The following TSHZ2 variants were observed in gnomAD, a reference collection of about 807,000 sequenced individuals.
The protein encoded by TSHZ2 is teashirt zinc finger homeobox 2.
A neutral mutation model predicts 74.4 loss-of-function variants in TSHZ2; 21 were observed. The ratio of observed to expected loss-of-function variants is 0.28; its 90% CI spans 0.20 to 0.41. TSHZ2 has a LOEUF of 0.41. TSHZ2 is among the 10% of genes least tolerant of loss of function. The pLI is 1.00. For synonymous variants in TSHZ2, 540 were observed against 515.3 expected, an observed-to-expected ratio of 1.05 and a Z score of -0.65; for missense variants, 1,244 against 1,293.5, an observed-to-expected ratio of 0.96 and a Z score of 0.59.
intron 1 of TSHZ2, among the ~76,000 whole-genome samples, chr20:53,010,425 G>A (rs1982807542): frequency 6.6e-6 from 1 of 152,068 alleles, no homozygotes; most frequent in South Asian, 2.1e-4. Context: ...AAAAAACATG[G>A]CACTAGTAAC....
intron 1 of TSHZ2, among the ~76,000 whole-genome samples, chr20:53,070,336 A>C (rs575529641): frequency 6.6e-6 from 1 of 152,332 alleles, no homozygotes; most frequent in East Asian, 1.9e-4. Context: ...AATTTTACAC[A>C]GAGAAACCCT....
rs1419080525 is a variant in TSHZ2 at position 53,471,798 on chromosome 20, C to CTT, written c.*9-15343_*9-15342dup. Among the ~76,000 whole-genome samples, 35 of 112,344 alleles carry CTT rather than the reference C, an allele frequency of 3.1e-4. 2 individuals carry two copies. Among genetic ancestry groups the CTT allele is most frequent in the African/African-American group, 7.8e-4 (23 of 29,436 alleles). 73.7% of individuals were successfully genotyped at this position (112,344 alleles called of 152,430 possible). A position where few individuals can be genotyped will look rare whatever the true frequency, so the allele number is the denominator to read the frequency against. ...TTTTCTAAGTGCCGTAGACACTTTT[C>CTT]TTTTCTTTTTTTTTTTTTTTTTTTT... On this transcript the variant is annotated intron_variant, in intron 2 of 2. Coordinates refer to ENST00000371497, the MANE Select transcript of TSHZ2 (RefSeq NM_173485.6).
At chr20:53,068,563 A>G (rs1359820855) in intron 1 of TSHZ2, among the ~76,000 whole-genome samples, 1 of 152,142 alleles carries the variant, frequency 6.6e-6, no homozygotes, top group Non-Finnish European at 1.5e-5. Flanking sequence ...TAGCTCTTCC[A>G]TGGCACTGAC....
intron 1 of TSHZ2, among the ~76,000 whole-genome samples, chr20:53,062,486 T>C (rs947374294): frequency 1.3e-5 from 2 of 152,228 alleles, no homozygotes; most frequent in Non-Finnish European, 2.9e-5. Context: ...TTTAAGTGTT[T>C]ACAAGTGTTA....
intron 2 of TSHZ2, among the ~76,000 whole-genome samples, chr20:53,296,054 A>AAAT (rs1991374168): frequency 6.7e-6 from 1 of 149,228 alleles, no homozygotes. Context: ...AAAAAAAAAA[A>AAAT]ATCCAGGCAG....
Position 53,306,986 on chromosome 20 carries a change from T to G in TSHZ2, c.*8+50415T>G, listed in dbSNP as rs6097350. Among the ~76,000 whole-genome samples, 1,453 of 152,260 alleles carry G rather than the reference T, an allele frequency of 9.5e-3. 28 individuals are homozygous for G. The highest frequency in any genetic ancestry group is 0.033 in the African/African-American group (1,362 of 41,528). On this transcript the variant is annotated intron_variant, in intron 2 of 2. Coordinates refer to ENST00000371497, the MANE Select transcript of TSHZ2 (RefSeq NM_173485.6). Reference sequence around the variant, plus strand: ...AGAAGTAGGTATAATTGCTGTCAATTTATACATAGAGTGAGGAACCACCCC... The same window carrying G: ...AGAAGTAGGTATAATTGCTGTCAATGTATACATAGAGTGAGGAACCACCCC...
At chr20:53,311,282 T>A (rs906500483) in intron 2 of TSHZ2, among the ~76,000 whole-genome samples, 3 of 152,252 alleles carry the variant, frequency 2.0e-5, no homozygotes, top group African/African-American at 7.2e-5. Context: ...GTAATTCTTA[T>A]GCAGCTGAAG....
chr20:53,309,261 C>T (rs1187909756), intron 2 of TSHZ2, among the ~76,000 whole-genome samples: 1 of 152,174 alleles, frequency 6.6e-6, no homozygotes, highest in Non-Finnish European at 1.5e-5. Flanking sequence ...TGGGCTACTT[C>T]AAGAAGTGTT....
chr20:53,271,008 A>G (rs1224413378), intron 2 of TSHZ2, among the ~76,000 whole-genome samples: 3 of 152,060 alleles, frequency 2.0e-5, no homozygotes, highest in African/African-American at 2.4e-5. Context: ...ATGGGTCCCT[A>G]TTGGATAGTC....
At chr20:53,319,855 G>A (rs1195518321) in intron 2 of TSHZ2, among the ~76,000 whole-genome samples, 2 of 152,228 alleles carry the variant, frequency 1.3e-5, no homozygotes, top group Non-Finnish European at 2.9e-5. Flanking sequence ...CAGGACAATT[G>A]CTTCTCTGCA....
chr20:53,473,263 C>G (rs1283447374), intron 2 of TSHZ2, among the ~76,000 whole-genome samples: 1 of 143,630 alleles, frequency 7.0e-6, no homozygotes, highest in Non-Finnish European at 1.5e-5. Context: ...CCCTGTCTGA[C>G]AGCTTTGAAG....
intron 1 of TSHZ2, among the ~76,000 whole-genome samples, chr20:53,187,249 G>GACACCA (rs1988622282): frequency 2.0e-5 from 3 of 152,136 alleles, no homozygotes; most frequent in African/African-American, 7.2e-5. Context: ...GCAGTATTAT[G>GACACCA]AGAATTCCTG....
intron 1 of TSHZ2, among the ~76,000 whole-genome samples, chr20:53,024,914 G>T (rs1983381351): frequency 6.6e-6 from 1 of 152,072 alleles, no homozygotes; most frequent in Non-Finnish European, 1.5e-5. Flanking sequence ...CATTTGGGTT[G>T]GTTCCAAGTC....
intron 1 of TSHZ2, among the ~76,000 whole-genome samples, chr20:53,246,420 C>A (rs979671414): frequency 6.6e-6 from 1 of 152,182 alleles, no homozygotes; most frequent in Non-Finnish European, 1.5e-5. Flanking sequence ...TCCAGTCTAG[C>A]TGAGTATACA....
intron 2 of TSHZ2, among the ~76,000 whole-genome samples, chr20:53,311,066 G>A (rs919658289): frequency 5.9e-5 from 9 of 152,180 alleles, no homozygotes; most frequent in African/African-American, 2.2e-4. Context: ...CTGATGTGCT[G>A]TAAAGCAAGG....
rs71194467 is a variant in TSHZ2, at chr20:53,286,886, T to TACACACAC, written c.*8+30348_*8+30355dup. 4.1e-3 allele frequency among the ~76,000 whole-genome samples: 577 copies of TACACACAC among 139,528 alleles called. 7 individuals carry two copies. The highest frequency in any genetic ancestry group is 0.014 in the African/African-American group (525 of 38,320). 91.5% of individuals were successfully genotyped at this position (139,528 alleles called of 152,430 possible). On this transcript the variant is annotated intron_variant, in intron 2 of 2. Transcript: ENST00000371497. ...ACAGAGCAAGACCCTGTCTCAAAAA[T>TACACACAC]ACACACACACACACACACACACACA...
chr20:53,042,213 T>C (rs891032794), intron 1 of TSHZ2, among the ~76,000 whole-genome samples: 1 of 152,212 alleles, frequency 6.6e-6, no homozygotes, highest in African/African-American at 2.4e-5. Flanking sequence ...TTAATTACAA[T>C]CTCCTTGGTG....
Position 53,256,150 on chromosome 20 carries a change from C to T in TSHZ2, c.2692C>T (p.His898Tyr). The T allele has an allele frequency of 6.2e-7, 1 of 1,613,440 alleles. No homozygotes were observed. The highest frequency in any genetic ancestry group is 8.5e-7 in the Non-Finnish European group (1 of 1,179,488). Reference protein sequence around the residue: ...FTGLSMTTISHWLANVKYQLR... With the variant: ...FTGLSMTTISYWLANVKYQLR... ...GGGACTCTCAATGACCACTATCAGT[C>T]ACTGGCTGGCCAACGTCAAGTACCA... Residue 898 changes from histidine to tyrosine, a missense_variant, in exon 2 of 3, where the codon CAC (histidine) becomes TAC (tyrosine). Physicochemically the swap from His to Tyr is moderately conservative, Grantham distance 83. Around this residue, in one of 6 missense-constraint regions of TSHZ2, gnomAD observed 185 missense variants for 213.3 expected, o/e 0.87. Coordinates refer to ENST00000371497, the MANE Select transcript of TSHZ2 (RefSeq NM_173485.6). This position sits in a 1 kb window ranked among gnomAD's most constrained non-coding sequence, Gnocchi z 4.3.
intron 1 of TSHZ2, among the ~76,000 whole-genome samples, chr20:53,223,926 CACACA>C (rs1989623948): frequency 2.0e-5 from 3 of 149,770 alleles, no homozygotes; most frequent in South Asian, 2.1e-4. Context: ...CACACACACA[CACACA>C]CCCCTAAGTT....
Sources: gnomAD v4.1 joint callset for allele counts (sites outside exome capture counted in the v4.1 genomes callset) on GRCh38, gnomAD v4.1.1 for gene constraint, gnomAD v4.1.1 regional missense constraint, Gnocchi (gnomAD v3.1) non-coding constraint, MANE v1.5 for transcripts, NCBI Gene and HGNC (gene_info 2026-07-23, HGNC 2026-07-21) for gene names.